CEP295: variants seen among roughly 807,000 people sequenced by gnomAD.
CEP295 encodes centrosomal protein 295.
A neutral mutation model predicts 291.6 loss-of-function variants in CEP295; 190 were observed. The ratio of observed to expected loss-of-function variants is 0.65; its 90% CI spans 0.58 to 0.73. The LOEUF (loss-of-function observed/expected upper bound fraction) is 0.73, where lower values mean the gene tolerates loss of function less well. Ranked by LOEUF, CEP295 falls within the 30% of genes least tolerant of loss-of-function variation. The pLI is 0.00. For missense variants in CEP295, 2,863 were observed against 2,949.4 expected, an observed-to-expected ratio of 0.97 and a Z score of 0.68; for synonymous variants, 993 against 1,038.8, an observed-to-expected ratio of 0.96 and a Z score of 0.85.
At chr11:93,680,462 A>G (rs1237120054) in intron 7 of CEP295, among the ~76,000 whole-genome samples, 1 of 152,136 alleles carries the variant, frequency 6.6e-6, no homozygotes, top group Non-Finnish European at 1.5e-5. Flanking sequence ...AAAATTAGCC[A>G]GGCGTGGTGG....
Position 93,706,885 on chromosome 11 carries a change from T to G in CEP295, c.5737T>G (p.Tyr1913Asp). 1.3e-6 allele frequency: 2 copies of G among 1,535,806 alleles called. No homozygotes were observed. Among genetic ancestry groups the G allele is most frequent in the South Asian group, 1.2e-5 (1 of 81,768 alleles). Reference sequence around the variant, plus strand: ...CCAAGAGAATGTCTGTGGTGATGACTATGATGAAGCAGGTGAGAAATAAAT... The same window carrying G: ...CCAAGAGAATGTCTGTGGTGATGACGATGATGAAGCAGGTGAGAAATAAAT... ...VGQENVCGDDYDEAVKLKESV... is the reference protein window; with the variant it reads ...VGQENVCGDDDDEAVKLKESV... The change falls in exon 18 of 30, where the codon TAT (tyrosine) becomes GAT (aspartate). Residue 1913 changes from tyrosine (Y) to aspartate (D), a missense_variant. Physicochemically the swap from Tyr to Asp is radical, Grantham distance 160. This residue lies in a region of CEP295 where 2,295 missense variants were observed against 2,335.7 expected (regional missense o/e 0.98). Transcript: ENST00000325212.
At chr11:93,662,222 C>G (rs1329476993) in intron 1 of CEP295, among the ~76,000 whole-genome samples, 1 of 152,246 alleles carries the variant, frequency 6.6e-6, no homozygotes, top group Admixed American at 6.5e-5. Context: ...TCAATCCTGT[C>G]ACAAACTCAA....
intron 9 of CEP295, among the ~76,000 whole-genome samples, chr11:93,686,795 A>G (rs979931040): frequency 6.6e-6 from 1 of 152,234 alleles, no homozygotes; most frequent in African/African-American, 2.4e-5. Context: ...AAGGTGGTAC[A>G]TTGACATATG....
chr11:93,690,560 CA>C (rs756087606), intron 10 of CEP295, among the ~76,000 whole-genome samples: 10,078 of 53,180 alleles, frequency 0.19, 401 homozygotes, highest in East Asian at 0.34. Context: ...CTCTGTCTCA[CA>C]AAAAAAAAAA....
At chr11:93,724,208 G>T in intron 21 of CEP295, 46 bp from the exon 22 acceptor site, 1 of 1,499,870 alleles carries the variant, frequency 6.7e-7, no homozygotes, top group South Asian at 1.3e-5. Flanking sequence ...ATAAATTTAT[G>T]ATTTTTTTCC....
intron 7 of CEP295, among the ~76,000 whole-genome samples, chr11:93,680,469 G>T (rs1950907616): frequency 6.6e-6 from 1 of 152,120 alleles, no homozygotes; most frequent in Admixed American, 6.5e-5. Flanking sequence ...GCCAGGCGTG[G>T]TGGCCTGGGA....
chr11:93,681,803 T>A (rs1319616528), intron 7 of CEP295, among the ~76,000 whole-genome samples: 15 of 151,816 alleles, frequency 9.9e-5, no homozygotes, highest in Non-Finnish European at 5.9e-5. Flanking sequence ...TGCCTCGACC[T>A]CCCAAAGTGC....
intron 22 of CEP295, 56 bp downstream of exon 22, chr11:93,724,431 T>TTTC: frequency 1.3e-6 from 2 of 1,491,354 alleles, no homozygotes; most frequent in Non-Finnish European, 1.8e-6. Context: ...TTTTAAGCCA[T>TTTC]TTCTTCTACT....
At chr11:93,710,822 C>T (rs1462786242) in intron 18 of CEP295, among the ~76,000 whole-genome samples, 1 of 152,122 alleles carries the variant, frequency 6.6e-6, no homozygotes, top group Non-Finnish European at 1.5e-5. Flanking sequence ...TTTTGGATTT[C>T]TTCATGGTTC....
chr11:93,703,489 T>G (rs1218112014), intron 17 of CEP295, among the ~76,000 whole-genome samples: 1 of 152,040 alleles, frequency 6.6e-6, no homozygotes, highest in African/African-American at 2.4e-5. Context: ...GGCAAAAATT[T>G]TTTGGTTTTC....
intron 11 of CEP295, 37 bp downstream of exon 11, chr11:93,691,812 C>A: frequency 7.4e-7 from 1 of 1,347,396 alleles, no homozygotes; most frequent in Non-Finnish European, 1.0e-6. Context: ...TTAAATTTGA[C>A]TCCTTGCATC....
At position 93,729,877 on chromosome 11, in the gene CEP295, T is replaced by A. The variant is rs955025738; in HGVS notation, c.7575T>A (p.Ser2525=). The A allele has an allele frequency of 1.2e-5, 18 of 1,547,174 alleles. No homozygotes were observed. In the Admixed American group the frequency reaches 1.6e-4, roughly 14 times the overall value. ...TVKEKPSISS[S]VSRLKGVNKV... ...TCACTTTTCTTTCCTCAGGTTCATC[T>A]GTGAGTCGTCTAAAGGGCGTGAATA... Residue 2525 remains serine, a synonymous_variant, in exon 28 of 30, where the codon TCT becomes TCA. Coordinates refer to ENST00000325212, the MANE Select transcript of CEP295 (RefSeq NM_033395.2).
intron 18 of CEP295, among the ~76,000 whole-genome samples, chr11:93,717,703 G>A (rs760540998): frequency 6.6e-5 from 10 of 152,066 alleles, no homozygotes; most frequent in African/African-American, 9.7e-5. Flanking sequence ...TCATGGTTTT[G>A]TCTGTGTTCA....
intron 18 of CEP295, among the ~76,000 whole-genome samples, chr11:93,714,233 C>T (rs990284142): frequency 2.6e-5 from 4 of 151,990 alleles, no homozygotes; most frequent in Non-Finnish European, 5.9e-5. Context: ...GGTACCAGGG[C>T]ATTAAAGAGT....
intron 18 of CEP295, among the ~76,000 whole-genome samples, chr11:93,718,247 C>T (rs1460958168): frequency 6.6e-6 from 1 of 152,190 alleles, no homozygotes; most frequent in Non-Finnish European, 1.5e-5. Flanking sequence ...TGTCTTGTTA[C>T]TACTATTCCA....
At position 93,701,660 on chromosome 11, in the gene CEP295, G is replaced by A. The variant is rs189356537; in HGVS notation, c.5275-800G>A. Among the ~76,000 whole-genome samples the A allele has an allele frequency of 6.2e-4, 95 of 152,196 alleles. 1 individual carries two copies. Among genetic ancestry groups the A allele is most frequent in the African/African-American group, 2.2e-3 (91 of 41,526 alleles). On this transcript the variant is annotated intron_variant, in intron 15 of 29. Transcript: ENST00000325212. Reference sequence around the variant, plus strand: ...TGCTCTGTCACCAGGCTGGAGTGCCGTGACGTCATCTTGGCTCACTGCAAC... The same window carrying A: ...TGCTCTGTCACCAGGCTGGAGTGCCATGACGTCATCTTGGCTCACTGCAAC...
At chr11:93,672,016 T>A (rs909295651) in intron 5 of CEP295, among the ~76,000 whole-genome samples, 1 of 152,238 alleles carries the variant, frequency 6.6e-6, no homozygotes, top group Non-Finnish European at 1.5e-5. Context: ...CAGGTTTTTT[T>A]ATTCATATCT....
intron 1 of CEP295, among the ~76,000 whole-genome samples, chr11:93,663,722 G>T (rs1053599419): frequency 6.6e-6 from 1 of 152,128 alleles, no homozygotes; most frequent in East Asian, 1.9e-4. Flanking sequence ...AGAAGAAACA[G>T]TTATTCTATC....
At chr11:93,672,286 ATCTTT>A (rs1342418391) in intron 5 of CEP295, among the ~76,000 whole-genome samples, 3 of 152,310 alleles carry the variant, frequency 2.0e-5, no homozygotes, top group Admixed American at 6.5e-5. Flanking sequence ...AACAACCATA[ATCTTT>A]TCATAGGTCT....
Sources: allele counts gnomAD v4.1 joint callset (sites outside exome capture counted in the v4.1 genomes callset), GRCh38; gene constraint gnomAD v4.1.1; regional missense constraint gnomAD v4.1.1; transcripts MANE v1.5; gene names NCBI Gene and HGNC (gene_info 2026-07-23, HGNC 2026-07-21).